Variants in CLCNKA observed in about 807,000 individuals in gnomAD.
CLCNKA encodes the protein chloride channel protein ClC-Ka.
In CLCNKA, 66 loss-of-function variants were observed where a neutral mutation model predicts 83.3. The ratio of observed to expected loss-of-function variants is 0.79; its 90% CI spans 0.65 to 0.97. CLCNKA has a LOEUF of 0.97. Among genes scored for constraint, CLCNKA ranks in the 50% least tolerant of loss-of-function variants. The probability of loss-of-function intolerance (pLI) is 0.00; values close to 1 mark genes in which losing one functional copy is unlikely to be tolerated. For missense variants in CLCNKA, 806 were observed against 888.7 expected (o/e 0.91, Z 1.18); for synonymous variants, 357 against 370.4 (o/e 0.96, Z 0.42).
intron 1 of CLCNKA, among the ~76,000 whole-genome samples, 172 bp downstream of exon 1, chr1:16,022,235 C>T (rs2022158847): frequency 6.6e-6 from 1 of 152,060 alleles, no homozygotes; most frequent in African/African-American, 2.4e-5. Flanking sequence ...AAGGAGGGTG[C>T]TCCGAGATTG....
chr1:16,032,323 C>A, intron 17 of CLCNKA, 32 bp downstream of exon 17: 1 of 346,522 alleles, frequency 2.9e-6, no homozygotes, highest in Non-Finnish European at 5.7e-6. Context: ...GGGGATGGGG[C>A]GGGGGTGGGT....
At chr1:16,030,429 C>A in intron 14 of CLCNKA, 32 bp from the exon 15 acceptor site, 1 of 1,611,270 alleles carries the variant, frequency 6.2e-7, no homozygotes, top group South Asian at 1.1e-5. Context: ...GCCTCCTGGC[C>A]TGAGCCGACC....
chr1:16,027,374 C>T lies in CLCNKA; in HGVS notation c.720C>T (p.Phe240=), dbSNP rs752535225. 1.2e-6 allele frequency: 2 copies of T among 1,613,956 alleles called. No individual in the cohort carries two copies. Among genetic ancestry groups the T allele is most frequent in the Admixed American group, 3.3e-5 (2 of 60,024 alleles). ...CTGTCCGGGATTACTGGAGGGGCTT[C>T]TTTGCGGCCACCTGCGGGGCCTTCA... ...HFSVRDYWRG[F]FAATCGAFIF... Residue 240 remains phenylalanine (F), a synonymous_variant, in exon 8 of 20, where the codon TTC becomes TTT. Coordinates refer to ENST00000331433, the MANE Select transcript of CLCNKA (RefSeq NM_004070.4).
chr1:16,032,272 C>G lies in CLCNKA; in HGVS notation c.1826C>G (p.Ser609Cys). 6.2e-7 allele frequency: 1 copy of G among 1,612,062 alleles called. No individual in the cohort carries two copies. The highest frequency in any genetic ancestry group is 8.5e-7 in the Non-Finnish European group (1 of 1,179,576). The change falls in exon 17 of 20, where the codon TCC (serine) becomes TGC (cysteine). Residue 609 changes from serine to cysteine, a missense_variant. Coordinates refer to ENST00000331433, the MANE Select transcript of CLCNKA (RefSeq NM_004070.4). ...CAGGCCCTCCAGGCTGAGCCTCCTT[C>G]CAGGGCTCCAGGACACCAGGTGGTT... is the stretch of plus-strand genomic sequence containing the variant. Reference protein sequence around the residue: ...LVQALQAEPPSRAPGHQQCLQ... With the variant: ...LVQALQAEPPCRAPGHQQCLQ...
At chr1:16,028,895 T>C in intron 11 of CLCNKA, 50 bp downstream of exon 11, 1 of 1,598,158 alleles carries the variant, frequency 6.3e-7, no homozygotes. Flanking sequence ...CCATTTGTTT[T>C]CCCCTTTGCA....
At chr1:16,027,172 C>A in intron 7 of CLCNKA, 138 bp from the exon 8 acceptor site, 1 of 1,313,966 alleles carries the variant, frequency 7.6e-7, no homozygotes, top group Non-Finnish European at 1.1e-6. Context: ...AAGCCCTGCC[C>A]TCCCCTTCTG....
At chr1:16,033,331 G>C (rs1259674923) in intron 19 of CLCNKA, 75 bp downstream of exon 19, 8 of 1,495,326 alleles carry the variant, frequency 5.3e-6, no homozygotes, top group Non-Finnish European at 7.4e-6. Flanking sequence ...GAGGTGGGGG[G>C]ACACCAGCAT....
intron 5 of CLCNKA, 45 bp downstream of exon 5, chr1:16,026,292 C>T (rs2022344800): frequency 7.9e-7 from 1 of 1,266,110 alleles, no homozygotes; most frequent in East Asian, 4.2e-5. Flanking sequence ...GCCCACCCTA[C>T]CCTGCCCCAG....
At chr1:16,026,502 C>G in intron 5 of CLCNKA, 34 bp from the exon 6 acceptor site, 1 of 1,612,736 alleles carries the variant, frequency 6.2e-7, no homozygotes, top group Non-Finnish European at 8.5e-7. Context: ...ACTGTCTCTG[C>G]TGCCCTCACC....
intron 14 of CLCNKA, 22 bp from the exon 15 acceptor site, chr1:16,030,439 C>T (rs2022576973): frequency 6.2e-7 from 1 of 1,612,026 alleles, no homozygotes; most frequent in Non-Finnish European, 8.5e-7. Flanking sequence ...CTGAGCCGAC[C>T]TGTGTGGCTC....
intron 1 of CLCNKA, among the ~76,000 whole-genome samples, 199 bp downstream of exon 1, chr1:16,022,262 C>A (rs2022160777): frequency 6.6e-6 from 1 of 152,052 alleles, no homozygotes; most frequent in Non-Finnish European, 1.5e-5. Flanking sequence ...AGAGTCGGAG[C>A]CATCCATGGG....
Position 16,030,609 on chromosome 1 carries a change from C to T in CLCNKA, c.1557C>T (p.Phe519=), listed in dbSNP as rs1292107728. The T allele has an allele frequency of 2.7e-5, 44 of 1,612,992 alleles. No homozygotes were observed. The highest frequency in any genetic ancestry group is 3.7e-5 in the Non-Finnish European group (44 of 1,180,050). The change falls in exon 15 of 20, where the codon TTC becomes TTT. Residue 519 remains phenylalanine, a synonymous_variant. Transcript: ENST00000331433. ...TTGCACAGAGCTGCCAGCCCTCCTTCTATGATGGCACCATCATTGTCAAGA... is the reference window on the plus strand; with the variant it reads ...TTGCACAGAGCTGCCAGCCCTCCTTTTATGATGGCACCATCATTGTCAAGA... ...NAIAQSCQPS[F]YDGTIIVKKL... is the part of the protein sequence containing the mutation.
rs1446634650 is a variant in CLCNKA, at chr1:16,024,625, G to A, written c.230-138G>A. The A allele has an allele frequency of 6.7e-6, 8 of 1,185,388 alleles. No individual in the cohort carries two copies. In the African/African-American group the frequency reaches 9.1e-5, roughly 14 times the overall value. The allele number at this position is 1,185,388 out of a possible 1,614,324, so 73.4% of individuals were successfully genotyped here. A position where few individuals can be genotyped will look rare whatever the true frequency, so the allele number is the denominator to read the frequency against. On this transcript the variant is annotated intron_variant, in intron 3 of 19. Transcript: ENST00000331433. ...AGGGTCGTACTCCTGCCTTTTCTTG[G>A]GGGTCTGCACCTCACTCTGTGGCCT...
rs574142084 is a variant in CLCNKA at position 16,028,340 on chromosome 1, A to G, written c.968+221A>G. Reference sequence around the variant, plus strand: ...ACCCCCATCCCTCCTTCATTCTACAATCTCTCAGCGAAACCCCACCCCCTC... The same window carrying G: ...ACCCCCATCCCTCCTTCATTCTACAGTCTCTCAGCGAAACCCCACCCCCTC... On this transcript the variant is annotated intron_variant, in intron 10 of 19. Coordinates refer to ENST00000331433, the MANE Select transcript of CLCNKA (RefSeq NM_004070.4). Among the ~76,000 whole-genome samples the G allele has an allele frequency of 8.8e-5, 13 of 148,554 alleles. No homozygotes were observed. The South Asian group carries it at 2.3e-3, about 27-fold the overall frequency.
At position 16,026,234 on chromosome 1, in the gene CLCNKA, TC is replaced by T. The variant is rs1283078896; in HGVS notation, c.487del (p.Leu163TrpfsTer12). On this transcript the variant is annotated frameshift_variant, in exon 5 of 20. Coordinates refer to ENST00000331433, the MANE Select transcript of CLCNKA (RefSeq NM_004070.4). LOFTEE classifies it high-confidence loss of function. ...ACCCTGGCCACCGGCAGCACCCTGT[TC>T]CTGGGCAAAGTGGTATGGTCAGGTG... ...SCTLATGSTL[F>X]LGKVGPFVHL... The T allele has an allele frequency of 1.2e-6, 2 of 1,613,756 alleles. No homozygotes were observed. The highest frequency in any genetic ancestry group is 1.7e-6 in the Non-Finnish European group (2 of 1,180,020).
rs1434841616 is a variant in CLCNKA at position 16,026,602 on chromosome 1, G to A, written c.565G>A (p.Gly189Arg). 1.9e-6 allele frequency: 3 copies of A among 1,614,030 alleles called. No homozygotes were observed. The highest frequency in any genetic ancestry group is 1.7e-5 in the Admixed American group (1 of 60,020). ...GGGCCGTGTGCGCACCACGACCATC[G>A]GGGAGCCTGAGGTTAGGGACTCGGG... ...YLGRVRTTTI[G>R]EPENKSKQNE... The change falls in exon 6 of 20, where the codon GGG (glycine) becomes AGG (arginine). Residue 189 changes from glycine to arginine, a missense_variant. Transcript: ENST00000331433.
At chr1:16,025,560 T>C (rs1002284067) in intron 4 of CLCNKA, among the ~76,000 whole-genome samples, 3 of 152,106 alleles carry the variant, frequency 2.0e-5, no homozygotes, top group African/African-American at 7.2e-5. Flanking sequence ...GGTGCCTGCC[T>C]GTAGTCCCAG....
chr1:16,029,677 C>T, intron 12 of CLCNKA, 54 bp from the exon 13 acceptor site: 1 of 1,604,230 alleles, frequency 6.2e-7, no homozygotes, highest in Non-Finnish European at 8.5e-7. Context: ...CTTCTCTTGT[C>T]CACACCTTGC....
chr1:16,033,748 G>T lies in CLCNKA; in HGVS notation c.*90G>T, dbSNP rs1277657691. The T allele has an allele frequency of 1.6e-6, 2 of 1,245,540 alleles. No homozygotes were observed. Among genetic ancestry groups the T allele is most frequent in the Non-Finnish European group, 2.3e-6 (2 of 852,476 alleles). The allele number at this position is 1,245,540 out of a possible 1,614,324, so 77.2% of individuals were successfully genotyped here. On this transcript the variant is annotated 3_prime_UTR_variant, in exon 20 of 20. Coordinates refer to ENST00000331433, the MANE Select transcript of CLCNKA (RefSeq NM_004070.4). ...TGCTTCTCTTCCCCCATCACCACCT[G>T]CCCCTCCCTCCAGCCCAGCTCCATT... is the stretch of plus-strand genomic sequence containing the variant.
Sources: gnomAD v4.1 joint callset for allele counts (sites outside exome capture counted in the v4.1 genomes callset) on GRCh38, gnomAD v4.1.1 for gene constraint, MANE v1.5 for transcripts, NCBI Gene and HGNC (gene_info 2026-07-23, HGNC 2026-07-21) for gene names.